Variants in DRC5 observed in about 807,000 individuals in gnomAD.
DRC5 encodes dynein regulatory complex subunit 5.
chr6:44,286,132 G>A, the DRC5 span: 1 of 1,614,044 alleles, frequency 6.2e-7, no homozygotes, highest in Non-Finnish European at 8.5e-7. Context: ...GTTGGTAGTG[G>A]TCAACGGTGG....
chr6:44,283,130 A>G, the DRC5 span, among the ~76,000 whole-genome samples: 4 of 152,060 alleles, frequency 2.6e-5, no homozygotes, highest in African/African-American at 7.2e-5. Flanking sequence ...CATTATCTCT[A>G]ACCTTCAGCA....
the DRC5 span, chr6:44,287,208 T>A: frequency 4.1e-6 from 4 of 985,258 alleles, no homozygotes; most frequent in Non-Finnish European, 1.2e-6. Flanking sequence ...GAAGACTCCA[T>A]CAGAGTAGAG....
the DRC5 span, chr6:44,287,064 G>T: frequency 2.3e-5 from 8 of 352,046 alleles, no homozygotes; most frequent in Admixed American, 3.2e-4. Flanking sequence ...GATGATAGTT[G>T]CTGTAGATGA....
At chr6:44,281,228 C>G in the DRC5 span, among the ~76,000 whole-genome samples, 2 of 152,128 alleles carry the variant, frequency 1.3e-5, no homozygotes, top group African/African-American at 4.8e-5. Flanking sequence ...AGGCAGAATG[C>G]TACCATTCTG....
At chr6:44,285,919 G>A in the DRC5 span, 3 of 1,523,514 alleles carry the variant, frequency 2.0e-6, no homozygotes, top group Admixed American at 3.5e-5. Context: ...GGGAATCTGA[G>A]AGATGCTGAG....
At chr6:44,296,471 T>C in the DRC5 span, among the ~76,000 whole-genome samples, 1 of 152,310 alleles carries the variant, frequency 6.6e-6, no homozygotes, top group East Asian at 1.9e-4. Flanking sequence ...CCACAGGAAG[T>C]CTCAGGTCTT....
chr6:44,286,635 A>G, the DRC5 span: 1 of 1,014,122 alleles, frequency 9.9e-7, no homozygotes. Flanking sequence ...CAAAGGAGAG[A>G]CCCTTCCCTG....
At chr6:44,292,553 G>A in the DRC5 span, among the ~76,000 whole-genome samples, 1 of 152,196 alleles carries the variant, frequency 6.6e-6, no homozygotes, top group Non-Finnish European at 1.5e-5. Context: ...CCCAGTGGTA[G>A]GTCTGCTTTA....
At chr6:44,286,586 A>G in the DRC5 span, 2 of 1,502,342 alleles carry the variant, frequency 1.3e-6, no homozygotes, top group Non-Finnish European at 1.8e-6. Flanking sequence ...GGACACCTCA[A>G]CATGATGCCT....
chr6:44,294,772 CAAAAAAAA>C, the DRC5 span, among the ~76,000 whole-genome samples: 46 of 88,764 alleles, frequency 5.2e-4, no homozygotes, highest in African/African-American at 2.0e-3. Flanking sequence ...AACTCTGTCT[CAAAAAAAA>C]AAAAAAAAAA....
At chr6:44,279,948 G>A in the DRC5 span, 2 of 451,388 alleles carry the variant, frequency 4.4e-6, no homozygotes, top group Non-Finnish European at 3.9e-6. Context: ...TGGGTGTCCA[G>A]TAATATCCTT....
chr6:44,296,338 C>T, the DRC5 span, among the ~76,000 whole-genome samples: 4 of 152,222 alleles, frequency 2.6e-5, no homozygotes, highest in Non-Finnish European at 4.4e-5. Context: ...CTCCCTCTTC[C>T]AGTTCACTGC....
the DRC5 span, chr6:44,282,460 G>A: frequency 3.1e-6 from 5 of 1,612,994 alleles, no homozygotes; most frequent in Non-Finnish European, 2.5e-6. Flanking sequence ...ATGAGGTTTT[G>A]TGACAAGTCC....
chr6:44,282,534 A>T, the DRC5 span: 1 of 1,595,136 alleles, frequency 6.3e-7, no homozygotes, highest in East Asian at 2.2e-5. Context: ...GTCATCATCC[A>T]CCTTGCTTCG....
At chr6:44,285,784 G>A in the DRC5 span, among the ~76,000 whole-genome samples, 3 of 152,118 alleles carry the variant, frequency 2.0e-5, no homozygotes, top group East Asian at 1.9e-4. Context: ...GGAGAGCAGC[G>A]CCTTGTTCAT....
At chr6:44,297,599 G>A in the DRC5 span, 1 of 152,274 alleles carries the variant, frequency 6.6e-6, no homozygotes, top group African/African-American at 2.4e-5. Flanking sequence ...CAGCCGGCCA[G>A]AGGGGGCCCC....
the DRC5 span, among the ~76,000 whole-genome samples, chr6:44,288,735 T>C: frequency 6.6e-6 from 1 of 152,168 alleles, no homozygotes; most frequent in Non-Finnish European, 1.5e-5. Context: ...GGCTCATGCC[T>C]GTAATCCCAG....
chr6:44,294,354 C>T, the DRC5 span, among the ~76,000 whole-genome samples: 1 of 152,134 alleles, frequency 6.6e-6, no homozygotes, highest in Non-Finnish European at 1.5e-5. Context: ...GCAGAAATTA[C>T]ATATATAATA....
the DRC5 span, among the ~76,000 whole-genome samples, chr6:44,281,220 G>T: frequency 1.3e-4 from 20 of 152,168 alleles, no homozygotes; most frequent in African/African-American, 4.3e-4. Context: ...ACGTTGGGAG[G>T]CAGAATGCTA....
Sources: allele counts gnomAD v4.1 joint callset (sites outside exome capture counted in the v4.1 genomes callset), GRCh38; gene constraint gnomAD v4.1.1; transcripts MANE v1.5; gene names NCBI Gene and HGNC (gene_info 2026-07-23, HGNC 2026-07-21).